ZBTB38: variants seen among roughly 807,000 people sequenced by gnomAD.
The protein encoded by ZBTB38 is zinc finger and BTB domain-containing protein 38.
Under a neutral mutation model 76.8 loss-of-function variants are expected in ZBTB38, and 20 were observed. That is an observed-to-expected ratio of 0.26 (90% CI 0.18 to 0.38). The LOEUF is 0.38. ZBTB38 is among the 10% of genes least tolerant of loss of function. The pLI, the probability that ZBTB38 is intolerant of heterozygous loss-of-function variation, is 1.00. For missense variants in ZBTB38, 1,082 were observed against 1,482.3 expected (o/e 0.73, Z 4.43); for synonymous variants, 504 against 544.2 (o/e 0.93, Z 1.03).
At chr3:141,399,448 T>C (rs9875982) in intron 4 of ZBTB38, among the ~76,000 whole-genome samples, 1 of 152,074 alleles carries the variant, frequency 6.6e-6, no homozygotes, top group Non-Finnish European at 1.5e-5. Flanking sequence ...AACACACACA[T>C]CACACACAAC....
chr3:141,405,259 A>G (rs1953962548), intron 5 of ZBTB38, among the ~76,000 whole-genome samples: 2 of 152,250 alleles, frequency 1.3e-5, no homozygotes, highest in African/African-American at 4.8e-5. Context: ...TATTGTTAAT[A>G]TGCTAGAATG....
At chr3:141,434,060 G>A (rs148866700) in intron 5 of ZBTB38, 6 of 301,206 alleles carry the variant, frequency 2.0e-5, no homozygotes, top group African/African-American at 1.4e-4. Context: ...GCCTACAGGT[G>A]CAGGGAGTAC....
At chr3:141,434,773 T>C (rs1366375671) in intron 5 of ZBTB38, among the ~76,000 whole-genome samples, 1 of 151,978 alleles carries the variant, frequency 6.6e-6, no homozygotes, top group East Asian at 1.9e-4. Flanking sequence ...ACTTTACATA[T>C]TCGTACAATA....
At chr3:141,354,133 C>T (rs1943594395) in intron 1 of ZBTB38, among the ~76,000 whole-genome samples, 1 of 152,118 alleles carries the variant, frequency 6.6e-6, no homozygotes, top group Admixed American at 6.6e-5. Context: ...ACAATACACA[C>T]AATGCTTGTA....
At chr3:141,330,479 G>T (rs1983233) in intron 1 of ZBTB38, among the ~76,000 whole-genome samples, 89,079 of 152,070 alleles carry the variant, frequency 0.59, 28,844 homozygotes, top group African/African-American at 0.89. Context: ...GTCATTCTCA[G>T]CCACCCTGTG....
At chr3:141,416,589 G>A (rs1158468774) in intron 5 of ZBTB38, among the ~76,000 whole-genome samples, 1 of 152,176 alleles carries the variant, frequency 6.6e-6, no homozygotes, top group Non-Finnish European at 1.5e-5. Context: ...TGTCAGTAAT[G>A]GGTTGAATGG....
chr3:141,416,211 G>C (rs748173576), intron 5 of ZBTB38, among the ~76,000 whole-genome samples: 4 of 152,218 alleles, frequency 2.6e-5, no homozygotes, highest in Non-Finnish European at 5.9e-5. Context: ...GAATCTTAGA[G>C]AGGAAATTCC....
chr3:141,340,949 G>GGAAAGAAGAAAAGAAAGAAGGAAAGAAA (rs1943167135), intron 1 of ZBTB38, among the ~76,000 whole-genome samples: 1 of 111,998 alleles, frequency 8.9e-6, no homozygotes, highest in East Asian at 2.4e-4. Flanking sequence ...AAAGAAAGAA[G>GGAAAGAAGAAAAGAAAGAAGGAAAGAAA]GAAAGAAAGA....
At chr3:141,426,777 A>G (rs1433161988) in intron 5 of ZBTB38, among the ~76,000 whole-genome samples, 1 of 152,196 alleles carries the variant, frequency 6.6e-6, no homozygotes. Context: ...TGAACAAAGC[A>G]TGTCGGTAGT....
rs145643798 is a variant in ZBTB38 at position 141,405,279 on chromosome 3, C to T, written c.-1+1248C>T. 8.6e-3 allele frequency among the ~76,000 whole-genome samples: 1,313 copies of T among 152,294 alleles called. 6 individuals are homozygous for T. The highest frequency in any genetic ancestry group is 0.012 in the Non-Finnish European group (849 of 68,028). ...TTAATATGCTAGAATGTCAGCTCCACGGATGTTGGAGATTGACCCATACGT... is the reference window on the plus strand; with the variant it reads ...TTAATATGCTAGAATGTCAGCTCCATGGATGTTGGAGATTGACCCATACGT... On this transcript the variant is annotated intron_variant, in intron 5 of 5. Transcript: ENST00000321464.
chr3:141,362,948 AT>A, intron 1 of ZBTB38, among the ~76,000 whole-genome samples: 1 of 152,170 alleles, frequency 6.6e-6, no homozygotes, highest in South Asian at 2.1e-4. Context: ...CATATGCATT[AT>A]CTTATTTAAT....
intron 1 of ZBTB38, among the ~76,000 whole-genome samples, chr3:141,341,023 T>C (rs28768078): frequency 1.4e-5 from 2 of 141,218 alleles, no homozygotes; most frequent in African/African-American, 5.1e-5. Flanking sequence ...AAGAGAAAGA[T>C]AGACAAGTGG....
intron 2 of ZBTB38, among the ~76,000 whole-genome samples, chr3:141,378,361 TAC>T (rs10575001): frequency 1.5e-4 from 23 of 149,898 alleles, no homozygotes; most frequent in Admixed American, 2.0e-4. Flanking sequence ...GACATACAGG[TAC>T]ACACACACAC....
intron 1 of ZBTB38, among the ~76,000 whole-genome samples, chr3:141,339,914 T>C (rs1943122740): frequency 1.3e-5 from 2 of 152,208 alleles, no homozygotes; most frequent in South Asian, 4.1e-4. Flanking sequence ...TTTAATGAGC[T>C]TAATGGGAAT....
chr3:141,421,278 C>CTTTTTTTTT (rs77094062), intron 5 of ZBTB38, among the ~76,000 whole-genome samples: 1 of 125,686 alleles, frequency 8.0e-6, no homozygotes. Flanking sequence ...AAACTTCTCT[C>CTTTTTTTTT]TTTTTTTTTT....
rs76706325 is a variant in ZBTB38, at chr3:141,377,233, C to G, written c.-234-4192C>G. Among the ~76,000 whole-genome samples the G allele has an allele frequency of 6.7e-3, 1,023 of 152,366 alleles. 20 individuals are homozygous for G. Among genetic ancestry groups the G allele is most frequent in the Admixed American group, 0.036 (549 of 15,304 alleles). On this transcript the variant is annotated intron_variant, in intron 2 of 5. Coordinates refer to ENST00000321464, the MANE Select transcript of ZBTB38 (RefSeq NM_001376113.1). ...GGGCAAACCCAAAGACTCAGCCCCC[C>G]CATCCAGAAAGACCATCCCATTTTC...
chr3:141,337,571 AC>A (rs1559912017), intron 1 of ZBTB38, among the ~76,000 whole-genome samples: 1 of 152,234 alleles, frequency 6.6e-6, no homozygotes. Flanking sequence ...CTCTGAGCCT[AC>A]TGCACTGAAA....
rs536582704 is a variant in ZBTB38, at chr3:141,408,344, C to T, written c.-1+4313C>T. ...GATGGATGACCTGAGGTCAGGAGTT[C>T]GGGACCAGCCTGGCCAACGTGGCAA... is the stretch of plus-strand genomic sequence containing the variant. On this transcript the variant is annotated intron_variant, in intron 5 of 5. Transcript: ENST00000321464. 2.0e-5 allele frequency among the ~76,000 whole-genome samples: 3 copies of T among 152,244 alleles called. No homozygotes were observed. In the South Asian group the frequency reaches 6.2e-4, roughly 32 times the overall value.
intron 5 of ZBTB38, among the ~76,000 whole-genome samples, chr3:141,420,258 C>T (rs534951361): frequency 6.6e-6 from 1 of 152,202 alleles, no homozygotes; most frequent in African/African-American, 2.4e-5. Context: ...TAGAGAAGAA[C>T]AGTTGAAAAT....
Sources: gnomAD v4.1 joint callset for allele counts (sites outside exome capture counted in the v4.1 genomes callset) on GRCh38, gnomAD v4.1.1 for gene constraint, MANE v1.5 for transcripts, NCBI Gene and HGNC (gene_info 2026-07-23, HGNC 2026-07-21) for gene names.